The following GDA variants were observed in gnomAD, a reference collection of about 807,000 sequenced individuals.
GDA encodes guanine deaminase, also known as cytoplasmic PSD-95 interactor.
Under a neutral mutation model 59.6 loss-of-function variants are expected in GDA, and 18 were observed. That is an observed-to-expected ratio of 0.30 (90% confidence interval 0.21 to 0.45). GDA has a LOEUF of 0.45. Ranked by LOEUF, GDA falls within the 20% of genes least tolerant of loss-of-function variation. GDA has a pLI of 1.00. For synonymous variants in GDA, 201 were observed against 201.1 expected (o/e 1.00, Z 0.00); for missense variants, 427 against 552.3 (o/e 0.77, Z 2.27).
At chr9:72,259,247 A>G (rs1358271594), downstream of GDA, among the ~76,000 whole-genome samples, 11 of 151,984 alleles carry the variant, frequency 7.2e-5, no homozygotes, top group Non-Finnish European at 2.9e-5. Context: ...CTGGTCTTGA[A>G]TTCCTGACCT....
downstream of GDA, among the ~76,000 whole-genome samples, chr9:72,254,060 C>T (rs917553644): frequency 4.6e-5 from 7 of 152,160 alleles, no homozygotes; most frequent in African/African-American, 1.4e-4. Context: ...ACTACTGGAA[C>T]AGAACTCACA....
At chr9:72,118,257 G>A (rs1825530605) in intron 1 of GDA, among the ~76,000 whole-genome samples, 1 of 88,970 alleles carries the variant, frequency 1.1e-5, no homozygotes, top group African/African-American at 4.2e-5. Flanking sequence ...GGGCGACAGA[G>A]CAAGAGACTC....
intron 10 of GDA, among the ~76,000 whole-genome samples, chr9:72,233,439 A>G (rs1292689378): frequency 6.6e-6 from 1 of 152,218 alleles, no homozygotes; most frequent in African/African-American, 2.4e-5. Context: ...TGTGGTAGAA[A>G]TTTTAGAAAT....
downstream of GDA, among the ~76,000 whole-genome samples, chr9:72,259,026 CT>C (rs377688657): frequency 3.1e-3 from 432 of 139,910 alleles, 1 homozygote; most frequent in African/African-American, 5.0e-3. Flanking sequence ...AATAATAACT[CT>C]TTTTTTTTTT....
intron 10 of GDA, among the ~76,000 whole-genome samples, chr9:72,235,097 A>C (rs1208230742): frequency 1.3e-5 from 2 of 152,234 alleles, no homozygotes; most frequent in African/African-American, 2.4e-5. Flanking sequence ...ATGGAAAGCT[A>C]ACATCAATCA....
chr9:72,119,666 G>C (rs1825592281), intron 1 of GDA, among the ~76,000 whole-genome samples: 1 of 151,972 alleles, frequency 6.6e-6, no homozygotes, highest in Non-Finnish European at 1.5e-5. Context: ...GTTGTTTTGG[G>C]GATAAGAAAG....
intron 1 of GDA, among the ~76,000 whole-genome samples, chr9:72,164,708 G>T (rs1829065165): frequency 6.6e-6 from 1 of 152,236 alleles, no homozygotes; most frequent in Non-Finnish European, 1.5e-5. Flanking sequence ...GCTGGGCCGG[G>T]CACAGTGGCT....
downstream of GDA, chr9:72,257,062 T>A (rs1294306098): frequency 1.3e-5 from 2 of 152,216 alleles, no homozygotes; most frequent in African/African-American, 4.8e-5. Context: ...ATTACAGACA[T>A]GAGCTACTGC....
chr9:72,123,517 C>T (rs1417406208), intron 1 of GDA, among the ~76,000 whole-genome samples: 13 of 89,682 alleles, frequency 1.4e-4, no homozygotes, highest in Admixed American at 1.1e-3. Flanking sequence ...GACAGAATTT[C>T]GCTCTTGTTG....
chr9:72,201,971 T>C (rs900769967), intron 2 of GDA, among the ~76,000 whole-genome samples: 13 of 152,220 alleles, frequency 8.5e-5, no homozygotes, highest in African/African-American at 3.1e-4. Context: ...TGCCCGTTTG[T>C]GGTCCATCTC....
At chr9:72,155,374 T>C (rs10869132) in intron 1 of GDA, among the ~76,000 whole-genome samples, 115,004 of 152,030 alleles carry the variant, frequency 0.76, 43,555 homozygotes, top group Middle Eastern at 0.8. Context: ...TCCCACAACA[T>C]GTGGGAATTA....
intron 1 of GDA, among the ~76,000 whole-genome samples, chr9:72,185,027 A>G (rs1464410522): frequency 2.0e-5 from 3 of 152,216 alleles, no homozygotes; most frequent in Non-Finnish European, 4.4e-5. Context: ...TTTTATAACA[A>G]ATGAAAATTA....
chr9:72,246,737 G>A (rs2131845903), intron 12 of GDA, among the ~76,000 whole-genome samples: 1 of 152,152 alleles, frequency 6.6e-6, no homozygotes, highest in East Asian at 1.9e-4. Context: ...GGTAAGGGGA[G>A]GGTCAGAGTG....
At chr9:72,234,236 G>T (rs1838703680) in intron 10 of GDA, among the ~76,000 whole-genome samples, 1 of 152,100 alleles carries the variant, frequency 6.6e-6, no homozygotes, top group Non-Finnish European at 1.5e-5. Context: ...ATCAGAAAGT[G>T]GTTGCCAAAT....
At chr9:72,178,344 T>G (rs773329327) in intron 1 of GDA, among the ~76,000 whole-genome samples, 5 of 152,164 alleles carry the variant, frequency 3.3e-5, no homozygotes, top group Admixed American at 1.3e-4. Context: ...TGGAAATTTA[T>G]GTACATCAGA....
intron 1 of GDA, among the ~76,000 whole-genome samples, chr9:72,164,907 G>T (rs543072635): frequency 6.6e-6 from 1 of 150,382 alleles, no homozygotes; most frequent in Non-Finnish European, 1.5e-5. Context: ...GGAGAATGGC[G>T]TGAAACCGGG....
At chr9:72,239,326 C>T (rs1839358234) in intron 10 of GDA, among the ~76,000 whole-genome samples, 1 of 152,172 alleles carries the variant, frequency 6.6e-6, no homozygotes, top group Non-Finnish European at 1.5e-5. Context: ...AGGCATCTCT[C>T]AATTTTTTTC....
intron 5 of GDA, among the ~76,000 whole-genome samples, chr9:72,218,281 G>T (rs1303913370): frequency 6.6e-6 from 1 of 152,138 alleles, no homozygotes; most frequent in Non-Finnish European, 1.5e-5. Flanking sequence ...ACAAATCTTT[G>T]CCAAGACCAA....
chr9:72,162,248 A>C (rs1340165117), intron 1 of GDA, among the ~76,000 whole-genome samples: 2 of 152,182 alleles, frequency 1.3e-5, no homozygotes, highest in Non-Finnish European at 2.9e-5. Context: ...TTAGGGATAA[A>C]ATGGTAAGCA....
Sources: allele counts gnomAD v4.1 joint callset (sites outside exome capture counted in the v4.1 genomes callset), GRCh38; gene constraint gnomAD v4.1.1; transcripts MANE v1.5; gene names NCBI Gene and HGNC (gene_info 2026-07-23, HGNC 2026-07-21).